Variants in COA1 observed in about 807,000 individuals in gnomAD.
The protein encoded by COA1 is cytochrome c oxidase assembly factor 1, also known as cytochrome c oxidase assembly factor 1 homolog.
COA1 carries 13 observed loss-of-function variants against 16.0 expected under a neutral mutation model. That is an observed-to-expected ratio of 0.81 (90% CI 0.53 to 1.29). The LOEUF (loss-of-function observed/expected upper bound fraction) is 1.29, where lower values mean the gene tolerates loss of function less well. COA1 is among the 50% of genes most tolerant of loss of function. COA1 has a pLI of 0.00. For missense variants in COA1, 179 were observed against 177.0 expected, an observed-to-expected ratio of 1.01 and a Z score of -0.06; for synonymous variants, 65 against 65.7, an observed-to-expected ratio of 0.99 and a Z score of 0.05.
intron 4 of COA1, among the ~76,000 whole-genome samples, chr7:43,644,773 G>GAGAGAGAGAGAGA (rs2088556990): frequency 9.2e-6 from 1 of 108,950 alleles, no homozygotes; most frequent in African/African-American, 3.5e-5. Flanking sequence ...CAGGCAGGCA[G>GAGAGAGAGAGAGA]GCAGGCAGGC....
At chr7:43,699,443 GT>G (rs1248204245) in intron 1 of COA1, among the ~76,000 whole-genome samples, 2 of 151,794 alleles carry the variant, frequency 1.3e-5, no homozygotes, top group Non-Finnish European at 2.9e-5. Context: ...CCTACTATTT[GT>G]TTTTTTTAAA....
At position 43,647,584 on chromosome 7, in the gene COA1, G is replaced by T. The variant is rs150071787; in HGVS notation, c.66C>A (p.His22Gln). 7 of 1,614,016 alleles carry T rather than the reference G, an allele frequency of 4.3e-6. No individual in the cohort carries two copies. Among genetic ancestry groups the T allele is most frequent in the Non-Finnish European group, 5.1e-6 (6 of 1,179,868 alleles). ...CAAAGCCCCCGGCATAGAACACACCGTGGAAAAGGATCCTTGCTCCCAGAG... is the reference window on the plus strand; with the variant it reads ...CAAAGCCCCCGGCATAGAACACACCTTGGAAAAGGATCCTTGCTCCCAGAG... ...SMPLGARILF[H>Q]GVFYAGGFAI... Residue 22 changes from histidine to glutamine, a missense_variant, in exon 3 of 6, where the codon CAC becomes CAA. By Grantham distance (24) the His-to-Gln change is conservative. Transcript: ENST00000223336.
At chr7:43,726,880 T>C (rs1398429117) in intron 1 of COA1, among the ~76,000 whole-genome samples, 1 of 152,198 alleles carries the variant, frequency 6.6e-6, no homozygotes, top group Non-Finnish European at 1.5e-5. Flanking sequence ...AGGATCTGAG[T>C]ACACATTTCT....
intron 6 of COA1, among the ~76,000 whole-genome samples, chr7:43,633,599 G>A (rs1276187784): frequency 6.6e-6 from 1 of 152,132 alleles, no homozygotes; most frequent in African/African-American, 2.4e-5. Context: ...AGTATTGTGA[G>A]AATTACCAAA....
intron 1 of COA1, chr7:43,658,976 A>T (rs1238353344): frequency 3.9e-5 from 6 of 152,346 alleles, no homozygotes; most frequent in Admixed American, 2.0e-4. Context: ...TCTGGATTTT[A>T]CTCAAAGTGT....
At chr7:43,636,127 G>A (rs1033421163), downstream of COA1, among the ~76,000 whole-genome samples, 2 of 152,172 alleles carry the variant, frequency 1.3e-5, no homozygotes, top group Admixed American at 6.5e-5. Flanking sequence ...GTGTCTTAGA[G>A]GCATGTTTTT....
At chr7:43,624,463 CTAATTTTAAT>C in intron 6 of COA1, 1 of 1,513,330 alleles carries the variant, frequency 6.6e-7, no homozygotes, top group Non-Finnish European at 8.9e-7. Flanking sequence ...ACCTTATGCT[CTAATTTTAAT>C]TGAAGTTCTA....
At chr7:43,620,731 A>G (rs2083802430) in intron 6 of COA1, among the ~76,000 whole-genome samples, 1 of 152,114 alleles carries the variant, frequency 6.6e-6, no homozygotes, top group African/African-American at 2.4e-5. Context: ...AGCTCTTTGT[A>G]ATTATGAGGC....
intron 1 of COA1, among the ~76,000 whole-genome samples, chr7:43,683,110 G>A (rs948403326): frequency 3.3e-5 from 5 of 151,908 alleles, no homozygotes; most frequent in African/African-American, 4.8e-5. Context: ...TGCCAGCTTC[G>A]GCCTCCCAAA....
In COA1 at chr7:43,690,430, TAC is replaced by T. The variant is rs199539611; in HGVS notation, c.-39+38997_-39+38998del. Among the ~76,000 whole-genome samples, 67 of 151,190 alleles carry T rather than the reference TAC, an allele frequency of 4.4e-4. No individual in the cohort carries two copies. In the East Asian group the frequency reaches 6.4e-3, roughly 14 times the overall value. On this transcript the variant is annotated intron_variant, in intron 1 of 5. Transcript: ENST00000223336. Reference sequence around the variant, plus strand: ...ATGTATGTACAGACACACATATATATACACACACACACATATATACACACACA... The same window carrying T: ...ATGTATGTACAGACACACATATATATACACACACACATATATACACACACA...
intron 6 of COA1, among the ~76,000 whole-genome samples, chr7:43,616,930 T>C (rs939941011): frequency 6.6e-6 from 1 of 152,142 alleles, no homozygotes; most frequent in African/African-American, 2.4e-5. Flanking sequence ...CTCAATTTCG[T>C]TTTTCATATT....
intron 1 of COA1, among the ~76,000 whole-genome samples, chr7:43,717,548 A>G (rs1469810274): frequency 6.6e-6 from 1 of 152,222 alleles, no homozygotes; most frequent in East Asian, 1.9e-4. Flanking sequence ...TTACGGGCTT[A>G]TAGGCAGAAG....
chr7:43,677,956 T>G (rs950513868), intron 1 of COA1, among the ~76,000 whole-genome samples: 1 of 152,160 alleles, frequency 6.6e-6, no homozygotes, highest in African/African-American at 2.4e-5. Context: ...TAATGAGCTG[T>G]ACCTTTTTCC....
chr7:43,707,431 A>G (rs2095034612), intron 1 of COA1, among the ~76,000 whole-genome samples: 1 of 152,176 alleles, frequency 6.6e-6, no homozygotes, highest in Admixed American at 6.5e-5. Context: ...CCCATGAATT[A>G]AAACAAACCA....
At chr7:43,627,449 T>G (rs984419177) in intron 6 of COA1, among the ~76,000 whole-genome samples, 2 of 152,132 alleles carry the variant, frequency 1.3e-5, no homozygotes, top group African/African-American at 4.8e-5. Flanking sequence ...CGTGACTCAG[T>G]CCATAGAGGC....
intron 1 of COA1, among the ~76,000 whole-genome samples, chr7:43,675,674 T>G (rs2093483593): frequency 6.6e-6 from 1 of 152,156 alleles, no homozygotes; most frequent in African/African-American, 2.4e-5. Flanking sequence ...ATTACAAACT[T>G]TAATTTTTAC....
chr7:43,646,501 G>C, intron 3 of COA1: 1 of 454,430 alleles, frequency 2.2e-6, no homozygotes, highest in South Asian at 1.6e-5. Context: ...CACATAGCTG[G>C]TCAAGAGCTG....
At chr7:43,676,289 T>TA (rs898692064) in intron 1 of COA1, among the ~76,000 whole-genome samples, 9 of 151,686 alleles carry the variant, frequency 5.9e-5, no homozygotes, top group African/African-American at 2.2e-4. Flanking sequence ...TTACAAACAA[T>TA]AAAAAGAAAT....
chr7:43,653,050 C>T (rs1321664711), intron 1 of COA1, among the ~76,000 whole-genome samples: 2 of 152,224 alleles, frequency 1.3e-5, no homozygotes, highest in African/African-American at 2.4e-5. Flanking sequence ...ATGTGGCTCA[C>T]ACCTGTAATC....
Sources: gnomAD v4.1 joint callset for allele counts (sites outside exome capture counted in the v4.1 genomes callset) on GRCh38, gnomAD v4.1.1 for gene constraint, MANE v1.5 for transcripts, NCBI Gene and HGNC (gene_info 2026-07-23, HGNC 2026-07-21) for gene names.